Variants in PSEN1 observed in about 807,000 individuals in gnomAD.
PSEN1 encodes the protein presenilin-1.
Under a neutral mutation model 53.5 loss-of-function variants are expected in PSEN1, and 15 were observed. The ratio of observed to expected loss-of-function variants is 0.28; its 90% CI spans 0.19 to 0.43. PSEN1 has a LOEUF of 0.43. PSEN1 is among the 20% of genes least tolerant of loss of function. The probability of loss-of-function intolerance (pLI) is 1.00; values close to 1 mark genes in which losing one functional copy is unlikely to be tolerated. For missense variants in PSEN1, 387 were observed against 571.2 expected (o/e 0.68, Z 3.29); for synonymous variants, 208 against 209.8 (o/e 0.99, Z 0.08).
At chr14:73,198,010 T>G in intron 7 of PSEN1, 21 bp from the exon 8 acceptor site, 1 of 1,426,822 alleles carries the variant, frequency 7.0e-7, no homozygotes, top group Non-Finnish European at 9.9e-7. Flanking sequence ...TTAGATGTCT[T>G]TTATGTTTTT....
At chr14:73,209,138 C>T (rs1899576850) in intron 9 of PSEN1, among the ~76,000 whole-genome samples, 1 of 152,228 alleles carries the variant, frequency 6.6e-6, no homozygotes, top group South Asian at 2.1e-4. Context: ...CAGGGATGCC[C>T]AGGTCTACAG....
chr14:73,146,211 CAG>C (rs1897067636), intron 1 of PSEN1: 1 of 99,384 alleles, frequency 1.0e-5, no homozygotes, highest in Non-Finnish European at 2.1e-5. Context: ...TTTTTAAAAA[CAG>C]AGTCTCACTC....
chr14:73,177,696 T>G (rs1430358874), intron 5 of PSEN1, among the ~76,000 whole-genome samples: 1 of 152,252 alleles, frequency 6.6e-6, no homozygotes. Context: ...AATGCTCTTC[T>G]GCTTTCTTTC....
intron 10 of PSEN1, among the ~76,000 whole-genome samples, chr14:73,212,826 A>T (rs1899758659): frequency 6.6e-6 from 1 of 152,214 alleles, no homozygotes; most frequent in Non-Finnish European, 1.5e-5. Flanking sequence ...TGGTTCATTG[A>T]ATAAGACTTT....
At chr14:73,187,990 A>G (rs965667312) in intron 6 of PSEN1, among the ~76,000 whole-genome samples, 1 of 151,742 alleles carries the variant, frequency 6.6e-6, no homozygotes, top group Non-Finnish European at 1.5e-5. Context: ...GTGCAGTGGC[A>G]TGATCTCGGC....
intron 9 of PSEN1, among the ~76,000 whole-genome samples, chr14:73,206,936 A>C (rs1386655689): frequency 1.6e-4 from 25 of 152,218 alleles, no homozygotes; most frequent in Non-Finnish European, 1.0e-4. Flanking sequence ...CATGGCCAGA[A>C]TAACTGAAAT....
rs201448807 is a variant in PSEN1, at chr14:73,219,546, C to T, written c.*257C>T. Reference sequence around the variant, plus strand: ...TGCAGAAACTACCAGATTTGAGGGACGAGGTCAAGGAGATATGATAGGCCC... The same window carrying T: ...TGCAGAAACTACCAGATTTGAGGGATGAGGTCAAGGAGATATGATAGGCCC... On this transcript the variant is annotated 3_prime_UTR_variant, in exon 12 of 12. Coordinates refer to ENST00000324501, the MANE Select transcript of PSEN1 (RefSeq NM_000021.4). The T allele has an allele frequency of 2.5e-5, 12 of 480,508 alleles. No homozygotes were observed. Among genetic ancestry groups the T allele is most frequent in the African/African-American group, 7.8e-5 (4 of 51,086 alleles). The allele number at this position is 480,508 out of a possible 1,614,324, so 29.8% of individuals were successfully genotyped here.
At chr14:73,182,322 AG>A (rs1312762391) in intron 5 of PSEN1, among the ~76,000 whole-genome samples, 1 of 151,706 alleles carries the variant, frequency 6.6e-6, no homozygotes, top group South Asian at 2.1e-4. Context: ...CTCTACAAAA[AG>A]AAAAAAAAAA....
chr14:73,162,704 T>C (rs1897589962), intron 3 of PSEN1, among the ~76,000 whole-genome samples: 1 of 151,970 alleles, frequency 6.6e-6, no homozygotes, highest in Admixed American at 6.5e-5. Flanking sequence ...TGTAGAAAAA[T>C]CTCTAAGATA....
At chr14:73,217,404 C>G (rs1417580296) in intron 11 of PSEN1, among the ~76,000 whole-genome samples, 160 bp downstream of exon 11, 1 of 152,156 alleles carries the variant, frequency 6.6e-6, no homozygotes, top group Admixed American at 6.5e-5. Context: ...AGTTCTCTAC[C>G]CTGGCCACAC....
chr14:73,201,254 A>T (rs1460805145), intron 8 of PSEN1, among the ~76,000 whole-genome samples: 1 of 151,866 alleles, frequency 6.6e-6, no homozygotes, highest in East Asian at 2.0e-4. Context: ...CGCCCGGCTA[A>T]TTTTTGTATT....
Position 73,192,628 on chromosome 14 carries a change from T to C in PSEN1, c.549-16T>C, listed in dbSNP as rs1898768102. ...ATTATTGTACATCTTTTAAAATCTG[T>C]GTAATTTTTTTTCAGGGAAGTGTTT... is the stretch of plus-strand genomic sequence containing the variant. On this transcript the variant is annotated splice_polypyrimidine_tract_variant and intron_variant, in intron 6 of 11. Transcript: ENST00000324501. 3 of 1,549,200 alleles carry C rather than the reference T, an allele frequency of 1.9e-6. No individual in the cohort carries two copies. The highest frequency in any genetic ancestry group is 2.7e-6 in the Non-Finnish European group (3 of 1,120,988).
At chr14:73,212,138 G>A (rs1395176996) in intron 10 of PSEN1, among the ~76,000 whole-genome samples, 196 bp downstream of exon 10, 1 of 79,276 alleles carries the variant, frequency 1.3e-5, no homozygotes, top group Admixed American at 2.1e-4. Flanking sequence ...TTGAGACAGA[G>A]TCTCGCTCTG....
At chr14:73,156,568 T>C (rs1897361325) in intron 3 of PSEN1, among the ~76,000 whole-genome samples, 1 of 151,992 alleles carries the variant, frequency 6.6e-6, no homozygotes, top group Non-Finnish European at 1.5e-5. Flanking sequence ...AAGATTAGCA[T>C]GAGTTCATAA....
intron 5 of PSEN1, among the ~76,000 whole-genome samples, chr14:73,183,478 G>T (rs969924000): frequency 6.6e-6 from 1 of 152,056 alleles, no homozygotes; most frequent in African/African-American, 2.4e-5. Context: ...GGGTACTTGA[G>T]ATTAGGGAGT....
intron 3 of PSEN1, among the ~76,000 whole-genome samples, chr14:73,156,704 C>T (rs1407521588): frequency 6.6e-6 from 1 of 151,718 alleles, no homozygotes; most frequent in East Asian, 1.9e-4. Flanking sequence ...GCTCTGTCAC[C>T]CAGGCTGGAG....
At chr14:73,204,429 A>G (rs930626215) in intron 8 of PSEN1, among the ~76,000 whole-genome samples, 2 of 151,568 alleles carry the variant, frequency 1.3e-5, no homozygotes, top group African/African-American at 4.8e-5. Context: ...TATACTATTT[A>G]TGATAATTAA....
At chr14:73,203,979 CAT>C (rs1276497138) in intron 8 of PSEN1, among the ~76,000 whole-genome samples, 1 of 152,156 alleles carries the variant, frequency 6.6e-6, no homozygotes, top group East Asian at 1.9e-4. Context: ...CATTAAAAAA[CAT>C]ATTTTTTTGT....
chr14:73,217,011 A>G (rs528215754), intron 10 of PSEN1, 115 bp from the exon 11 acceptor site: 4 of 1,176,772 alleles, frequency 3.4e-6, no homozygotes, highest in South Asian at 1.2e-5. Context: ...TTTGTATATC[A>G]TTTACTGACT....
Sources: gnomAD v4.1 joint callset for allele counts (sites outside exome capture counted in the v4.1 genomes callset) on GRCh38, gnomAD v4.1.1 for gene constraint, MANE v1.5 for transcripts, NCBI Gene and HGNC (gene_info 2026-07-23, HGNC 2026-07-21) for gene names.